RANBP2: variants seen among roughly 807,000 people sequenced by gnomAD.
RANBP2 encodes RAN binding protein 2, also known as E3 SUMO-protein ligase RanBP2.
A neutral mutation model predicts 303.6 loss-of-function variants in RANBP2; 57 were observed. The observed-to-expected ratio is 0.19, with a 90% CI of 0.15 to 0.23. The LOEUF is 0.23. RANBP2 is among the 10% of genes least tolerant of loss of function. The pLI is 1.00. For synonymous variants in RANBP2, 1,167 were observed against 1,301.5 expected, an observed-to-expected ratio of 0.90 and a Z score of 2.23; for missense variants, 3,138 against 3,780.8, an observed-to-expected ratio of 0.83 and a Z score of 4.46.
the RANBP2 span, among the ~76,000 whole-genome samples, chr2:109,056,474 A>G: frequency 1.3e-5 from 2 of 152,072 alleles, no homozygotes; most frequent in Non-Finnish European, 2.9e-5. Flanking sequence ...TGGCCAGCTT[A>G]TAGTCTTTAG....
At chr2:109,468,824 A>T in the RANBP2 span, among the ~76,000 whole-genome samples, 2 of 147,572 alleles carry the variant, frequency 1.4e-5, no homozygotes, top group Admixed American at 1.4e-4. Context: ...AGTGCACTCC[A>T]GCCTGGGCAA....
At chr2:109,498,578 A>C in the RANBP2 span, among the ~76,000 whole-genome samples, 1 of 152,158 alleles carries the variant, frequency 6.6e-6, no homozygotes, top group Non-Finnish European at 1.5e-5. Flanking sequence ...ACTCAGCTCG[A>C]TTTTCAGACA....
At chr2:109,094,430 G>T in the RANBP2 span, among the ~76,000 whole-genome samples, 3 of 152,130 alleles carry the variant, frequency 2.0e-5, no homozygotes, top group Non-Finnish European at 2.9e-5. Flanking sequence ...TCCTCCAAGG[G>T]CTCCACCCTG....
rs767568435 is a variant in RANBP2, at chr2:108,764,794, T to C, written c.4255T>C (p.Trp1419Arg). The change falls in exon 20 of 29, where the codon TGG becomes CGG. Residue 1419 changes from tryptophan to arginine, a missense_variant. Coordinates refer to ENST00000283195, the MANE Select transcript of RANBP2 (RefSeq NM_006267.5). Reference sequence around the variant, plus strand: ...GGTGACTCCAAAGAAAGAAGGTCACTGGGATTGTAGTATTTGTTTAGTAAG... The same window carrying C: ...GGTGACTCCAAAGAAAGAAGGTCACCGGGATTGTAGTATTTGTTTAGTAAG... ...ALVTPKKEGH[W>R]DCSICLVRNE... 1 of 1,614,070 alleles carries C rather than the reference T, an allele frequency of 6.2e-7. No homozygotes were observed. Among genetic ancestry groups the C allele is most frequent in the Non-Finnish European group, 8.5e-7 (1 of 1,179,962 alleles).
chr2:109,290,633 A>G, the RANBP2 span, among the ~76,000 whole-genome samples: 3 of 152,188 alleles, frequency 2.0e-5, no homozygotes, highest in Admixed American at 6.5e-5. Flanking sequence ...GATTCCTCCA[A>G]CTCAGACGCC....
At chr2:108,775,976 A>T in intron 24 of RANBP2, 40 bp downstream of exon 24, 1 of 1,506,078 alleles carries the variant, frequency 6.6e-7, no homozygotes, top group Non-Finnish European at 9.1e-7. Context: ...TACATAAGGG[A>T]CACCTTATAT....
At chr2:109,582,954 C>A in the RANBP2 span, among the ~76,000 whole-genome samples, 1 of 152,106 alleles carries the variant, frequency 6.6e-6, no homozygotes, top group Non-Finnish European at 1.5e-5. Flanking sequence ...ATAAATGGTG[C>A]TAGGATAACT....
the RANBP2 span, among the ~76,000 whole-genome samples, chr2:109,476,420 A>G: frequency 1.3e-5 from 2 of 152,202 alleles, no homozygotes; most frequent in Non-Finnish European, 2.9e-5. Flanking sequence ...GGTACTGGGT[A>G]GCCCCAGGGG....
the RANBP2 span, chr2:109,546,335 CAGA>C: frequency 1.5e-6 from 1 of 682,086 alleles, no homozygotes; most frequent in South Asian, 2.8e-5. Context: ...TAGCGCAACA[CAGA>C]ATAACCTACA....
the RANBP2 span, among the ~76,000 whole-genome samples, chr2:109,247,770 A>C: frequency 6.6e-6 from 1 of 152,202 alleles, no homozygotes; most frequent in African/African-American, 2.4e-5. Context: ...GGCTTAAAAT[A>C]ATACCTTTTT....
chr2:108,861,472 C>CTTTTTTTTT, the RANBP2 span, among the ~76,000 whole-genome samples: 23 of 123,500 alleles, frequency 1.9e-4, 2 homozygotes, highest in South Asian at 4.1e-3. Context: ...AACTTTCTTC[C>CTTTTTTTTT]TTTTTTTTTT....
At chr2:109,325,327 CTTTCTTTT>C in the RANBP2 span, among the ~76,000 whole-genome samples, 9 of 110,262 alleles carry the variant, frequency 8.2e-5, no homozygotes, top group South Asian at 2.2e-3. Context: ...TTCTTTCTTT[CTTTCTTTT>C]TTTTTTTTTT....
the RANBP2 span, among the ~76,000 whole-genome samples, chr2:109,036,502 G>A: frequency 6.6e-6 from 1 of 152,040 alleles, no homozygotes; most frequent in Admixed American, 6.6e-5. Context: ...GATGAAGTGG[G>A]ATTTATTCCA....
chr2:109,113,595 C>T, the RANBP2 span, among the ~76,000 whole-genome samples: 1 of 152,224 alleles, frequency 6.6e-6, no homozygotes, highest in African/African-American at 2.4e-5. Flanking sequence ...GACAATTTGA[C>T]TTCCTCTTTT....
At chr2:109,145,881 C>T in the RANBP2 span, among the ~76,000 whole-genome samples, 25 of 152,272 alleles carry the variant, frequency 1.6e-4, no homozygotes, top group African/African-American at 3.1e-4. Context: ...GGGGAGGCTG[C>T]GTAGGGCTAT....
At chr2:109,569,799 G>A in the RANBP2 span, among the ~76,000 whole-genome samples, 3 of 152,124 alleles carry the variant, frequency 2.0e-5, no homozygotes, top group African/African-American at 7.2e-5. Context: ...ATTAGAGGGA[G>A]GGAAAGTAAC....
At chr2:109,090,318 A>C in the RANBP2 span, among the ~76,000 whole-genome samples, 1 of 128,494 alleles carries the variant, frequency 7.8e-6, no homozygotes, top group Middle Eastern at 4.0e-3. Context: ...CCTCACACAC[A>C]CACACACACA....
the RANBP2 span, among the ~76,000 whole-genome samples, chr2:109,661,246 C>CTT: frequency 7.3e-6 from 1 of 137,732 alleles, no homozygotes; most frequent in African/African-American, 2.7e-5. Flanking sequence ...AGTAGAAGGG[C>CTT]TTTTTTTTTT....
chr2:109,143,920 C>G, the RANBP2 span, among the ~76,000 whole-genome samples: 1 of 152,048 alleles, frequency 6.6e-6, no homozygotes, highest in Admixed American at 6.5e-5. Context: ...GCCTAGAGGA[C>G]GTTATGCGAA....
Sources: gnomAD v4.1 joint callset for allele counts (sites outside exome capture counted in the v4.1 genomes callset) on GRCh38, gnomAD v4.1.1 for gene constraint, MANE v1.5 for transcripts, NCBI Gene and HGNC (gene_info 2026-07-23, HGNC 2026-07-21) for gene names.